The following LYPD5 variants were observed in gnomAD, a reference collection of about 807,000 sequenced individuals.
LYPD5 encodes the protein LY6/PLAUR domain containing 5.
A neutral mutation model predicts 19.1 loss-of-function variants in LYPD5; 21 were observed. That is an observed-to-expected ratio of 1.10 (90% confidence interval 0.78 to 1.58). The LOEUF is 1.58. LYPD5 is among the 40% of genes most tolerant of loss of function. LYPD5 has a pLI of 0.00. For missense variants in LYPD5, 287 were observed against 329.8 expected, an observed-to-expected ratio of 0.87 and a Z score of 1.00; for synonymous variants, 128 against 142.7, an observed-to-expected ratio of 0.90 and a Z score of 0.74.
chr19:43,807,292 T>A (rs547276172), upstream of LYPD5, among the ~76,000 whole-genome samples: 1 of 151,706 alleles, frequency 6.6e-6, no homozygotes, highest in South Asian at 2.1e-4. Context: ...TTTTTCTTTT[T>A]TTTTTTTGGC....
At chr19:43,812,103 C>T (rs528053630) in intron 1 of LYPD5, among the ~76,000 whole-genome samples, 10 of 152,120 alleles carry the variant, frequency 6.6e-5, no homozygotes, top group Admixed American at 3.3e-4. Flanking sequence ...CTCAGTTCTC[C>T]TCCAAATGGC....
chr19:43,808,218 G>C (rs1474583922), intron 1 of LYPD5, among the ~76,000 whole-genome samples: 1 of 152,124 alleles, frequency 6.6e-6, no homozygotes, highest in Non-Finnish European at 1.5e-5. Flanking sequence ...TGATTCTTAT[G>C]TCTCAGCCTC....
Position 43,796,560 on chromosome 19 carries a change from T to A in LYPD5, c.*1031A>T, listed in dbSNP as rs369793569. On this transcript the variant is annotated 3_prime_UTR_variant, in exon 5 of 5. Coordinates refer to ENST00000377950, the MANE Select transcript of LYPD5 (RefSeq NM_001031749.3). Reference sequence around the variant, plus strand: ...AATTCCTCCAGGAAGTCTTCCCTGATCTTTATAGCTTGGAGAATTTCACCT... The same window carrying A: ...AATTCCTCCAGGAAGTCTTCCCTGAACTTTATAGCTTGGAGAATTTCACCT... 1 of 152,458 alleles carries A rather than the reference T, an allele frequency of 6.6e-6. No individual in the cohort carries two copies. Among genetic ancestry groups the A allele is most frequent in the South Asian group, 2.1e-4 (1 of 4,830 alleles). 9.4% of individuals were successfully genotyped at this position (152,458 alleles called of 1,614,324 possible).
intron 1 of LYPD5, among the ~76,000 whole-genome samples, chr19:43,813,141 G>A (rs1435974525): frequency 1.3e-5 from 2 of 152,212 alleles, no homozygotes; most frequent in African/African-American, 4.8e-5. Context: ...GTCTCCTTGA[G>A]AAGCAGTTGC....
upstream of LYPD5, among the ~76,000 whole-genome samples, chr19:43,806,265 G>A (rs115549426): frequency 0.027 from 4,121 of 152,264 alleles, 178 homozygotes; most frequent in African/African-American, 0.091. Context: ...TGTGAATTGC[G>A]TATGCAAGGG....
upstream of LYPD5, among the ~76,000 whole-genome samples, chr19:43,807,234 C>T (rs1282615538): frequency 6.6e-6 from 1 of 151,096 alleles, no homozygotes; most frequent in Non-Finnish European, 1.5e-5. Context: ...GTTGCACGCT[C>T]TTGTGGAAGT....
chr19:43,803,822 C>T (rs935564257), upstream of LYPD5, among the ~76,000 whole-genome samples: 6 of 152,096 alleles, frequency 3.9e-5, no homozygotes, highest in African/African-American at 1.4e-4. Flanking sequence ...AATTCTTTCT[C>T]TGCTCCCCCC....
upstream of LYPD5, chr19:43,802,451 TC>T: frequency 7.1e-7 from 1 of 1,417,864 alleles, no homozygotes; most frequent in Non-Finnish European, 9.7e-7. Flanking sequence ...CCTTACTGAG[TC>T]CTAAGCATCC....
upstream of LYPD5, among the ~76,000 whole-genome samples, chr19:43,805,237 C>T (rs1263941722): frequency 6.6e-6 from 1 of 152,026 alleles, no homozygotes; most frequent in African/African-American, 2.4e-5. Context: ...ATGTGGGTAC[C>T]TTCTAGGGTT....
chr19:43,806,876 T>C (rs547662258), upstream of LYPD5, among the ~76,000 whole-genome samples: 242 of 152,362 alleles, frequency 1.6e-3, no homozygotes, highest in African/African-American at 5.6e-3. Context: ...AATCAGTCTC[T>C]GGTGCTCAAA....
intron 1 of LYPD5, among the ~76,000 whole-genome samples, chr19:43,811,277 T>C (rs925751775): frequency 2.8e-5 from 4 of 145,200 alleles, no homozygotes; most frequent in African/African-American, 7.6e-5. Flanking sequence ...CCCAGGAGAT[T>C]GAGGGAAAAA....
At chr19:43,811,975 G>A (rs148306686) in intron 1 of LYPD5, among the ~76,000 whole-genome samples, 75 of 152,188 alleles carry the variant, frequency 4.9e-4, no homozygotes, top group African/African-American at 1.7e-3. Flanking sequence ...CTTCTGATAT[G>A]GGCTGGCTTG....
At chr19:43,801,080 A>T (rs1450284982) in intron 1 of LYPD5, among the ~76,000 whole-genome samples, 1 of 150,200 alleles carries the variant, frequency 6.7e-6, no homozygotes, top group Admixed American at 6.6e-5. Flanking sequence ...ACAATTGGTC[A>T]GGCATGGTGG....
chr19:43,802,168 AG>A (rs749163143), intron 1 of LYPD5, 148 bp downstream of exon 1: 1 of 440,178 alleles, frequency 2.3e-6, no homozygotes. Flanking sequence ...TCAGGCCCCC[AG>A]CCCCCTCCTC....
chr19:43,809,883 T>C (rs935509989), intron 1 of LYPD5, among the ~76,000 whole-genome samples: 9 of 152,238 alleles, frequency 5.9e-5, no homozygotes, highest in African/African-American at 2.2e-4. Context: ...CTATTTTAAA[T>C]GACATAAAAT....
intron 2 of LYPD5, 172 bp from the exon 3 acceptor site, chr19:43,799,160 A>C (rs1352078942): frequency 7.1e-5 from 44 of 616,602 alleles, no homozygotes; most frequent in Middle Eastern, 4.6e-4. Flanking sequence ...CTCTTCCTCC[A>C]CTCTTCCTCC....
chr19:43,811,778 G>A (rs879792644), intron 1 of LYPD5, among the ~76,000 whole-genome samples: 3 of 152,004 alleles, frequency 2.0e-5, no homozygotes, highest in Admixed American at 1.3e-4. Flanking sequence ...AGGCAGGCAG[G>A]AAGACTCATT....
intron 1 of LYPD5, among the ~76,000 whole-genome samples, chr19:43,812,294 A>G (rs1486592790): frequency 6.6e-6 from 1 of 152,008 alleles, no homozygotes; most frequent in Non-Finnish European, 1.5e-5. Flanking sequence ...ACACTAACAA[A>G]AGGTGTGGAT....
upstream of LYPD5, among the ~76,000 whole-genome samples, chr19:43,804,474 C>G (rs975760996): frequency 6.6e-6 from 1 of 152,198 alleles, no homozygotes; most frequent in African/African-American, 2.4e-5. Context: ...CATTAACTCA[C>G]CTAGGGCTTA....
Sources: gnomAD v4.1 joint callset for allele counts (sites outside exome capture counted in the v4.1 genomes callset) on GRCh38, gnomAD v4.1.1 for gene constraint, MANE v1.5 for transcripts, NCBI Gene and HGNC (gene_info 2026-07-23, HGNC 2026-07-21) for gene names.